EML6: variants seen among roughly 807,000 people sequenced by gnomAD.
The protein encoded by EML6 is EMAP like 6, also known as echinoderm microtubule-associated protein-like 6.
Under a neutral mutation model 240.1 loss-of-function variants are expected in EML6, and 154 were observed. The ratio of observed to expected loss-of-function variants is 0.64; its 90% CI spans 0.56 to 0.73. The LOEUF (loss-of-function observed/expected upper bound fraction) is 0.73. Ranked by LOEUF, EML6 falls within the 30% of genes least tolerant of loss-of-function variation. The pLI, the probability that EML6 is intolerant of heterozygous loss-of-function variation, is 0.00. For synonymous variants in EML6, 1,148 were observed against 899.0 expected, an observed-to-expected ratio of 1.28 and a Z score of -4.95; for missense variants, 2,964 against 2,474.6, an observed-to-expected ratio of 1.20 and a Z score of -4.20.
chr2:54,828,933 A>G (rs1319019738), intron 6 of EML6, among the ~76,000 whole-genome samples: 1 of 152,188 alleles, frequency 6.6e-6, no homozygotes, highest in African/African-American at 2.4e-5. Flanking sequence ...TGCCTATGAA[A>G]CTGTTCATGT....
intron 7 of EML6, among the ~76,000 whole-genome samples, chr2:54,831,162 T>G (rs1268080550): frequency 6.6e-6 from 1 of 152,180 alleles, no homozygotes; most frequent in Non-Finnish European, 1.5e-5. Context: ...CCAAAACATG[T>G]ACTTAGAGAG....
At chr2:54,957,643 G>A (rs1305601721) in intron 32 of EML6, 147 bp from the exon 33 acceptor site, 1 of 701,614 alleles carries the variant, frequency 1.4e-6, no homozygotes, top group African/African-American at 1.8e-5. Flanking sequence ...GCCACCTGGG[G>A]AATAGTGTCT....
chr2:54,953,816 C>T (rs554508879), intron 31 of EML6, among the ~76,000 whole-genome samples, 167 bp from the exon 32 acceptor site: 9 of 149,608 alleles, frequency 6.0e-5, no homozygotes, highest in South Asian at 2.1e-4. Flanking sequence ...GAACCCAGGA[C>T]GTGGAGGTTG....
Position 54,813,323 on chromosome 2 carries a change from A to T in EML6, c.289A>T (p.Thr97Ser). The T allele has an allele frequency of 6.4e-7, 1 of 1,551,510 alleles. No individual in the cohort carries two copies. The highest frequency in any genetic ancestry group is 2.4e-5 in the East Asian group (1 of 40,922). Residue 97 changes from threonine to serine, a missense_variant, in exon 3 of 42, where the codon ACT becomes TCT. Coordinates refer to ENST00000356458, the MANE Select transcript of EML6 (RefSeq NM_001039753.4). ...CATATGGGATTCCTATAATGTCCAG[A>T]CTGTGTCTCTTCTTAAAGATGTCCA... ...ICIWDSYNVQ[T>S]VSLLKDVHTH...
chr2:54,954,111 G>A lies in EML6; in HGVS notation c.4441G>A (p.Gly1481Arg). ...AACTGGAAAGCTCCTGGTGTCGGTG[G>A]GAGTGGACCCTGAGCACACCATCAC... ...SATGKLLVSVGVDPEHTITVW... is the reference protein window; with the variant it reads ...SATGKLLVSVRVDPEHTITVW... Residue 1481 changes from glycine to arginine, a missense_variant, in exon 32 of 42, where the codon GGA becomes AGA. By Grantham distance (125) the Gly-to-Arg change is moderately radical. Coordinates refer to ENST00000356458, the MANE Select transcript of EML6 (RefSeq NM_001039753.4). 1.9e-6 allele frequency: 3 copies of A among 1,551,642 alleles called. No individual in the cohort carries two copies. Among genetic ancestry groups the A allele is most frequent in the Non-Finnish European group, 2.6e-6 (3 of 1,146,994 alleles).
At chr2:54,813,469 A>C in intron 3 of EML6, 78 bp downstream of exon 3, 1 of 1,221,294 alleles carries the variant, frequency 8.2e-7, no homozygotes. Flanking sequence ...TAGCCAGTAG[A>C]TTCAAAGTCC....
intron 21 of EML6, among the ~76,000 whole-genome samples, chr2:54,896,047 A>G (rs1377266806): frequency 1.3e-5 from 2 of 152,246 alleles, no homozygotes; most frequent in Non-Finnish European, 2.9e-5. Context: ...CAAGAGTGTG[A>G]AAACACAAGA....
At chr2:54,854,856 G>GCATA (rs1670286839) in intron 11 of EML6, among the ~76,000 whole-genome samples, 1 of 152,198 alleles carries the variant, frequency 6.6e-6, no homozygotes, top group Admixed American at 6.5e-5. Flanking sequence ...GAGTAATAGG[G>GCATA]CATATCTTGT....
intron 2 of EML6, among the ~76,000 whole-genome samples, chr2:54,746,353 A>C (rs1483579303): frequency 6.6e-6 from 1 of 152,228 alleles, no homozygotes; most frequent in East Asian, 1.9e-4. Context: ...CTTAATCAAG[A>C]GGACATATCT....
At position 54,813,381 on chromosome 2, in the gene EML6, C is replaced by T. The variant is rs868332993; in HGVS notation, c.347C>T (p.Ser116Leu). ...THGVACLAFD[S>L]DGQRLASVGL... The stretch of plus-strand genomic sequence containing the variant: ...GGAGTTGCCTGCCTGGCTTTTGACT[C>T]AGATGGACAGGTGTGTATCTTTTTT... Residue 116 changes from serine to leucine, a missense_variant, in exon 3 of 42, where the codon TCA becomes TTA. Coordinates refer to ENST00000356458, the MANE Select transcript of EML6 (RefSeq NM_001039753.4). 3 of 1,551,130 alleles carry T rather than the reference C, an allele frequency of 1.9e-6. No homozygotes were observed. The Admixed American group carries it at 5.9e-5, about 30-fold the overall frequency.
intron 2 of EML6, among the ~76,000 whole-genome samples, chr2:54,778,840 C>T (rs369841738): frequency 1.0e-4 from 15 of 143,210 alleles, no homozygotes; most frequent in Admixed American, 2.1e-4. Context: ...TGCAGTGAGC[C>T]GAGATTGTGC....
intron 2 of EML6, among the ~76,000 whole-genome samples, chr2:54,763,021 T>G (rs997565147): frequency 1.3e-5 from 2 of 152,196 alleles, no homozygotes; most frequent in Admixed American, 6.5e-5. Context: ...CAACACAGCT[T>G]CCCACCCTAC....
chr2:54,829,965 A>G (rs1668786264), intron 7 of EML6, among the ~76,000 whole-genome samples: 1 of 152,202 alleles, frequency 6.6e-6, no homozygotes, highest in South Asian at 2.1e-4. Context: ...GCAGTCTCAA[A>G]TTTCGGGGCA....
At chr2:54,827,392 T>A (rs746427317) in intron 5 of EML6, among the ~76,000 whole-genome samples, 174 bp from the exon 6 acceptor site, 8 of 152,198 alleles carry the variant, frequency 5.3e-5, no homozygotes, top group Non-Finnish European at 1.2e-4. Context: ...TCCTGGTAGT[T>A]AGCTAAAATG....
At chr2:54,825,903 C>T (rs1047234802) in intron 5 of EML6, among the ~76,000 whole-genome samples, 1 of 152,162 alleles carries the variant, frequency 6.6e-6, no homozygotes, top group Non-Finnish European at 1.5e-5. Flanking sequence ...CTCCCACATG[C>T]CTGCCATGTG....
chr2:54,885,854 C>T (rs1003069661), intron 17 of EML6, among the ~76,000 whole-genome samples: 1 of 151,906 alleles, frequency 6.6e-6, no homozygotes, highest in Non-Finnish European at 1.5e-5. Flanking sequence ...CTCGTGATCC[C>T]CCTGCCTCGG....
At position 54,964,638 on chromosome 2, in the gene EML6, A is replaced by G. The variant is rs568556284; in HGVS notation, c.5398A>G (p.Thr1800Ala). Residue 1800 changes from threonine to alanine, a missense_variant, in exon 38 of 42, where the codon ACT (threonine) becomes GCT (alanine). By Grantham distance (58) the Thr-to-Ala change is moderately conservative. Transcript: ENST00000356458. ...SEHTVDFYDL[T>A]QGTNLNRIGY... ...ACACACAGTTGACTTCTATGACCTC[A>G]CTCAGGGCACAAATCTGAACCGCAT... 1.2e-5 allele frequency: 18 copies of G among 1,552,342 alleles called. No homozygotes were observed. The South Asian group carries it at 2.0e-4, about 17-fold the overall frequency.
intron 29 of EML6, 48 bp from the exon 30 acceptor site, chr2:54,950,602 T>G: frequency 6.5e-7 from 1 of 1,546,888 alleles, no homozygotes; most frequent in Non-Finnish European, 8.7e-7. Flanking sequence ...TCCTCGGCTC[T>G]CCCTTCCTTC....
At chr2:54,837,067 T>A (rs543512423) in intron 7 of EML6, among the ~76,000 whole-genome samples, 1 of 152,036 alleles carries the variant, frequency 6.6e-6, no homozygotes, top group Non-Finnish European at 1.5e-5. Flanking sequence ...CCTCTTAAGT[T>A]TGGGTGAAAT....
Sources: allele counts gnomAD v4.1 joint callset (sites outside exome capture counted in the v4.1 genomes callset), GRCh38; gene constraint gnomAD v4.1.1; transcripts MANE v1.5; gene names NCBI Gene and HGNC (gene_info 2026-07-23, HGNC 2026-07-21).